Variants in PAK5 observed in about 807,000 individuals in gnomAD.
PAK5 encodes serine/threonine-protein kinase PAK 5.
A neutral mutation model predicts 65.9 loss-of-function variants in PAK5; 16 were observed. The observed-to-expected ratio is 0.24, with a 90% CI of 0.16 to 0.37. The LOEUF (loss-of-function observed/expected upper bound fraction) is 0.37, where lower values mean the gene tolerates loss of function less well. PAK5 is among the 10% of genes least tolerant of loss of function. PAK5 has a pLI of 1.00. For missense variants in PAK5, 785 were observed against 903.9 expected (o/e 0.87, Z 1.69); for synonymous variants, 371 against 354.9 (o/e 1.05, Z -0.51).
chr20:9,627,494 A>C (rs2046861273), intron 3 of PAK5, among the ~76,000 whole-genome samples: 1 of 152,236 alleles, frequency 6.6e-6, no homozygotes. Context: ...AATGGCCTGC[A>C]GCACTGCAGC....
Position 9,544,581 on chromosome 20 carries a change from T to C in PAK5, c.1744-87A>G, listed in dbSNP as rs898989220. ...ATACAAACATACAGAGTTTCAAATT[T>C]AAAACAAAACAGTCTCATCAACAGG... is the stretch of plus-strand genomic sequence containing the variant. On this transcript the variant is annotated intron_variant, in intron 7 of 9. Coordinates refer to ENST00000353224, the MANE Select transcript of PAK5 (RefSeq NM_177990.4). The C allele has an allele frequency of 3.8e-6, 5 of 1,308,158 alleles. No homozygotes were observed. The African/African-American group carries it at 7.3e-5, about 19-fold the overall frequency. The allele number at this position is 1,308,158 out of a possible 1,614,324, so 81.0% of individuals were successfully genotyped here. A position where few individuals can be genotyped will look rare whatever the true frequency, so the allele number is the denominator to read the frequency against.
In PAK5 at chr20:9,539,495, G is replaced by A. The variant is rs12329540; in HGVS notation, c.2127C>T (p.Ile709=). 0.14 allele frequency: 225,241 copies of A among 1,612,964 alleles called. 18,370 individuals carry two copies. The highest frequency in any genetic ancestry group is 0.17 in the Non-Finnish European group (197,613 of 1,178,998). ...GCCTGTATTGTCTCATGAGGGGGACGATGCAAGACGGTGGACCTGCTAGTT... is the reference window on the plus strand; with the variant it reads ...GCCTGTATTGTCTCATGAGGGGGACAATGCAAGACGGTGGACCTGCTAGTT... The part of the protein sequence containing the change: ...FLKLAGPPSC[I]VPLMRQYRHH The change falls in exon 10 of 10, where the codon ATC becomes ATT. Residue 709 remains isoleucine (I), a synonymous_variant. Coordinates refer to ENST00000353224, the MANE Select transcript of PAK5 (RefSeq NM_177990.4).
At position 9,608,310 on chromosome 20, in the gene PAK5, A is replaced by G. The variant is rs142646349; in HGVS notation, c.205-27380T>C. Reference sequence around the variant, plus strand: ...AGGTTGGCAACTTAATAGATTCAGGACATAAAGTTCTTTATATGGTACTTG... The same window carrying G: ...AGGTTGGCAACTTAATAGATTCAGGGCATAAAGTTCTTTATATGGTACTTG... On this transcript the variant is annotated intron_variant, in intron 3 of 9. Coordinates refer to ENST00000353224, the MANE Select transcript of PAK5 (RefSeq NM_177990.4). 1.7e-4 allele frequency among the ~76,000 whole-genome samples: 26 copies of G among 152,370 alleles called. No homozygotes were observed. In the East Asian group the frequency reaches 3.9e-3, roughly 23 times the overall value.
chr20:9,594,533 G>T (rs557649337), intron 3 of PAK5, among the ~76,000 whole-genome samples: 26 of 152,296 alleles, frequency 1.7e-4, no homozygotes, highest in South Asian at 6.2e-4. Flanking sequence ...ATGAAGTTTT[G>T]CTGGTTTGTA....
intron 3 of PAK5, among the ~76,000 whole-genome samples, chr20:9,611,429 C>A (rs983086047): frequency 6.6e-6 from 1 of 152,174 alleles, no homozygotes; most frequent in Non-Finnish European, 1.5e-5. Context: ...ACAAACACAC[C>A]TTACTCACTA....
intron 8 of PAK5, 43 bp from the exon 9 acceptor site, chr20:9,542,763 T>C: frequency 6.3e-7 from 1 of 1,588,372 alleles, no homozygotes; most frequent in Non-Finnish European, 8.6e-7. Flanking sequence ...AAGGAGAACA[T>C]TCTGAAATGT....
At chr20:9,811,548 A>G (rs921281434) in intron 1 of PAK5, among the ~76,000 whole-genome samples, 13 of 152,176 alleles carry the variant, frequency 8.5e-5, no homozygotes, top group Non-Finnish European at 1.5e-5. Context: ...TCACTCTCTT[A>G]AAGGTTGCAT....
chr20:9,589,386 G>C (rs777123665), intron 3 of PAK5, among the ~76,000 whole-genome samples: 1 of 152,098 alleles, frequency 6.6e-6, no homozygotes, highest in Non-Finnish European at 1.5e-5. Flanking sequence ...TTTGGATTTT[G>C]TAATATCATT....
intron 1 of PAK5, among the ~76,000 whole-genome samples, chr20:9,836,467 AG>A (rs1979156340): frequency 6.6e-6 from 1 of 152,218 alleles, no homozygotes; most frequent in African/African-American, 2.4e-5. Flanking sequence ...CAGAGATTGG[AG>A]TTATGCTGCC....
intron 7 of PAK5, among the ~76,000 whole-genome samples, chr20:9,554,691 A>T (rs2122941715): frequency 6.6e-6 from 1 of 152,316 alleles, no homozygotes; most frequent in East Asian, 1.9e-4. Context: ...CTTTTCTTGG[A>T]GTAGCCACAC....
intron 2 of PAK5, among the ~76,000 whole-genome samples, chr20:9,699,114 A>G (rs2047906122): frequency 6.6e-6 from 1 of 152,144 alleles, no homozygotes; most frequent in African/African-American, 2.4e-5. Flanking sequence ...CCTGTACTAC[A>G]ACCAGATCTC....
At chr20:9,559,087 A>G (rs1038294233) in intron 6 of PAK5, among the ~76,000 whole-genome samples, 1 of 152,222 alleles carries the variant, frequency 6.6e-6, no homozygotes, top group African/African-American at 2.4e-5. Flanking sequence ...CCACAGAGGA[A>G]TCTAGGTGAG....
intron 3 of PAK5, among the ~76,000 whole-genome samples, chr20:9,591,315 C>A (rs1031568385): frequency 6.6e-6 from 1 of 152,074 alleles, no homozygotes; most frequent in African/African-American, 2.4e-5. Context: ...AACCACAACA[C>A]CCTGTCAGCA....
At chr20:9,610,433 G>T (rs1372191206) in intron 3 of PAK5, among the ~76,000 whole-genome samples, 1 of 152,192 alleles carries the variant, frequency 6.6e-6, no homozygotes, top group African/African-American at 2.4e-5. Flanking sequence ...ATGGGGTTTT[G>T]ATGTGGTTCC....
Position 9,635,556 on chromosome 20 carries a change from C to A in PAK5, c.204+8569G>T, listed in dbSNP as rs554365206. On this transcript the variant is annotated intron_variant, in intron 3 of 9. Transcript: ENST00000353224. ...TTGTTCCTGCCACAGGGTCTTGGGA[C>A]TAGTTCTTCCTCCTTCCTTTGAATA... 2.0e-5 allele frequency among the ~76,000 whole-genome samples: 3 copies of A among 152,226 alleles called. No individual in the cohort carries two copies. In the South Asian group the frequency reaches 6.2e-4, roughly 32 times the overall value.
intron 1 of PAK5, among the ~76,000 whole-genome samples, chr20:9,717,663 A>G (rs1014998511): frequency 6.6e-6 from 1 of 152,224 alleles, no homozygotes; most frequent in African/African-American, 2.4e-5. Context: ...TCTGTTGCCC[A>G]GGCTGGAGTG....
At chr20:9,574,495 G>A (rs982006639) in intron 4 of PAK5, among the ~76,000 whole-genome samples, 10 of 152,168 alleles carry the variant, frequency 6.6e-5, no homozygotes, top group African/African-American at 9.7e-5. Flanking sequence ...GGGACTCTTC[G>A]TCTTTGGGGA....
chr20:9,670,160 T>C (rs1332308405), intron 2 of PAK5, among the ~76,000 whole-genome samples: 1 of 152,118 alleles, frequency 6.6e-6, no homozygotes, highest in African/African-American at 2.4e-5. Context: ...TTTTCTTAAT[T>C]CAGTCTATCA....
intron 2 of PAK5, among the ~76,000 whole-genome samples, chr20:9,686,187 T>C (rs1208044236): frequency 6.6e-6 from 1 of 152,110 alleles, no homozygotes; most frequent in Non-Finnish European, 1.5e-5. Flanking sequence ...ATGTGGGCTA[T>C]TTATTCTTTG....
Sources: allele counts gnomAD v4.1 joint callset (sites outside exome capture counted in the v4.1 genomes callset), GRCh38; gene constraint gnomAD v4.1.1; transcripts MANE v1.5; gene names NCBI Gene and HGNC (gene_info 2026-07-23, HGNC 2026-07-21).